RSBN1L: variants seen among roughly 807,000 people sequenced by gnomAD.
RSBN1L encodes round spermatid basic protein 1 like.
In RSBN1L, 30 loss-of-function variants were observed where a neutral mutation model predicts 67.7. The observed-to-expected ratio is 0.44, with a 90% CI of 0.33 to 0.60. RSBN1L has a LOEUF of 0.60. Among genes scored for constraint, RSBN1L ranks in the 20% least tolerant of loss-of-function variants. RSBN1L has a pLI of 0.02. For synonymous variants in RSBN1L, 433 were observed against 387.0 expected (o/e 1.12, Z -1.39); for missense variants, 992 against 1,031.7 (o/e 0.96, Z 0.53).
chr7:77,778,697 C>T lies in RSBN1L; in HGVS notation c.2070C>T (p.Leu690=), dbSNP rs889303856. ...AVCSLAWHIR[L]KLYHSEEDTS... is the part of the protein sequence containing the mutation. ...GCAGTTTAGCATGGCATATTCGGCT[C>T]AAATTATATCACTCAGAGGAGGACA... is the stretch of plus-strand genomic sequence containing the variant. The change falls in exon 8 of 8, where the codon CTC becomes CTT. Residue 690 remains leucine (L), a synonymous_variant. Coordinates refer to ENST00000334955, the MANE Select transcript of RSBN1L (RefSeq NM_198467.3). The T allele has an allele frequency of 6.2e-7, 1 of 1,613,920 alleles. No individual in the cohort carries two copies. Among genetic ancestry groups the T allele is most frequent in the African/African-American group, 1.3e-5 (1 of 74,918 alleles).
At chr7:77,716,992 G>T (rs1791057986) in intron 1 of RSBN1L, among the ~76,000 whole-genome samples, 1 of 146,592 alleles carries the variant, frequency 6.8e-6, no homozygotes, top group Admixed American at 6.9e-5. Context: ...ACAGGGTCTT[G>T]CTCTGTTGCC....
At position 77,710,173 on chromosome 7, in the gene RSBN1L, G is replaced by T. The variant is rs549153471; in HGVS notation, c.586+13118G>T. On this transcript the variant is annotated intron_variant, in intron 1 of 7. Transcript: ENST00000334955. The stretch of plus-strand genomic sequence containing the variant: ...CCTCCTTAGTGGGCTCCCTATTTCA[G>T]ATCCATGTGCTTTCACTTCATTCTT... Among the ~76,000 whole-genome samples the T allele has an allele frequency of 1.3e-4, 20 of 152,266 alleles. No homozygotes were observed. The South Asian group carries it at 4.1e-3, about 32-fold the overall frequency.
intron 1 of RSBN1L, among the ~76,000 whole-genome samples, chr7:77,734,787 C>T (rs1791312215): frequency 6.6e-6 from 1 of 152,114 alleles, no homozygotes. Flanking sequence ...CCGCGCCCGG[C>T]CTGGAGTAAC....
chr7:77,740,702 A>G (rs1468048627), intron 2 of RSBN1L, among the ~76,000 whole-genome samples: 1 of 152,170 alleles, frequency 6.6e-6, no homozygotes, highest in African/African-American at 2.4e-5. Context: ...TGAATTTGTG[A>G]TCTTAAAAGT....
At chr7:77,698,871 A>G (rs1252960066) in intron 1 of RSBN1L, among the ~76,000 whole-genome samples, 3 of 151,500 alleles carry the variant, frequency 2.0e-5, no homozygotes, top group Non-Finnish European at 4.4e-5. Context: ...ATTCCTTTCC[A>G]GTGTCTTGGT....
intron 3 of RSBN1L, among the ~76,000 whole-genome samples, chr7:77,762,801 C>T (rs1410325387): frequency 6.6e-6 from 1 of 152,086 alleles, no homozygotes; most frequent in African/African-American, 2.4e-5. Context: ...CTCCTACTCT[C>T]TATAATTTAA....
chr7:77,771,066 C>G (rs576357926), intron 5 of RSBN1L, among the ~76,000 whole-genome samples: 1 of 151,872 alleles, frequency 6.6e-6, no homozygotes, highest in East Asian at 1.9e-4. Context: ...CTCAGCCTCC[C>G]GAGTAGCTGG....
chr7:77,741,663 A>T (rs13244893), intron 2 of RSBN1L, among the ~76,000 whole-genome samples: 1 of 150,728 alleles, frequency 6.6e-6, no homozygotes, highest in East Asian at 2.0e-4. Context: ...CTGCACTCCA[A>T]CCTGAGTGAC....
intron 1 of RSBN1L, among the ~76,000 whole-genome samples, chr7:77,713,400 A>G (rs1178979942): frequency 6.7e-6 from 1 of 149,278 alleles, no homozygotes; most frequent in Non-Finnish European, 1.5e-5. Context: ...TCTGTCGCCC[A>G]GGCTGGAGTG....
intron 3 of RSBN1L, among the ~76,000 whole-genome samples, chr7:77,755,666 AAAAAC>A (rs761767938): frequency 5.0e-5 from 5 of 100,652 alleles, no homozygotes; most frequent in East Asian, 2.1e-4. Context: ...GACTTGTCTC[AAAAAC>A]AAAACAAAAA....
At position 77,727,424 on chromosome 7, in the gene RSBN1L, G is replaced by A. The variant is rs577108640; in HGVS notation, c.587-8986G>A. Reference sequence around the variant, plus strand: ...TTAATTCCAAGTTTCTGAATAAAATGCTCATACTACTTTTTTTTAGTTAGT... The same window carrying A: ...TTAATTCCAAGTTTCTGAATAAAATACTCATACTACTTTTTTTTAGTTAGT... On this transcript the variant is annotated intron_variant, in intron 1 of 7. Transcript: ENST00000334955. Among the ~76,000 whole-genome samples, 90 of 152,262 alleles carry A rather than the reference G, an allele frequency of 5.9e-4. 1 individual carries two copies. In the East Asian group the frequency reaches 6.9e-3, roughly 12 times the overall value.
Position 77,781,800 on chromosome 7 carries a change from T to A in RSBN1L, c.*2632T>A, listed in dbSNP as rs930787965. ...AAGTTTGAGACCAGTCTGGCCAACA[T>A]GGTGAAACCCCGTCTCTACTAAAAA... On this transcript the variant is annotated 3_prime_UTR_variant, in exon 8 of 8. Coordinates refer to ENST00000334955, the MANE Select transcript of RSBN1L (RefSeq NM_198467.3). The A allele has an allele frequency of 2.0e-5, 3 of 151,908 alleles. No individual in the cohort carries two copies. Among genetic ancestry groups the A allele is most frequent in the African/African-American group, 7.3e-5 (3 of 41,326 alleles). 9.4% of individuals were successfully genotyped at this position (151,908 alleles called of 1,614,324 possible).
At chr7:77,735,937 A>G (rs1263617983) in intron 1 of RSBN1L, among the ~76,000 whole-genome samples, 1 of 152,088 alleles carries the variant, frequency 6.6e-6, no homozygotes, top group Non-Finnish European at 1.5e-5. Flanking sequence ...GCCAGGCTCT[A>G]TGTAGTCATT....
intron 3 of RSBN1L, among the ~76,000 whole-genome samples, chr7:77,753,760 A>G (rs1459477387): frequency 2.0e-5 from 3 of 152,226 alleles, no homozygotes; most frequent in Non-Finnish European, 2.9e-5. Context: ...GGTTAAATCT[A>G]TAGTTAATAA....
intron 2 of RSBN1L, among the ~76,000 whole-genome samples, chr7:77,738,795 A>G (rs1050419643): frequency 6.6e-6 from 1 of 151,948 alleles, no homozygotes; most frequent in African/African-American, 2.4e-5. Flanking sequence ...TAAAAAATAC[A>G]AAAAATTACG....
chr7:77,764,686 G>T (rs1184270425), intron 3 of RSBN1L, among the ~76,000 whole-genome samples: 3 of 151,852 alleles, frequency 2.0e-5, no homozygotes, highest in African/African-American at 7.3e-5. Context: ...GAGTGCAGTG[G>T]CACAATCTCG....
intron 5 of RSBN1L, among the ~76,000 whole-genome samples, chr7:77,769,856 A>G (rs1362342906): frequency 6.6e-6 from 1 of 152,186 alleles, no homozygotes; most frequent in Non-Finnish European, 1.5e-5. Flanking sequence ...TTTTTTATAT[A>G]TTGTTGACTG....
At chr7:77,702,005 G>A (rs1255200261) in intron 1 of RSBN1L, among the ~76,000 whole-genome samples, 1 of 151,446 alleles carries the variant, frequency 6.6e-6, no homozygotes, top group African/African-American at 2.4e-5. Context: ...GTCTTGTACT[G>A]TCGCCCAGGC....
chr7:77,702,485 C>G (rs1189889937), intron 1 of RSBN1L, among the ~76,000 whole-genome samples: 3 of 151,956 alleles, frequency 2.0e-5, no homozygotes, highest in Non-Finnish European at 4.4e-5. Flanking sequence ...AGGTTTTGTT[C>G]AGATCTTTGT....
Sources: allele counts gnomAD v4.1 joint callset (sites outside exome capture counted in the v4.1 genomes callset), GRCh38; gene constraint gnomAD v4.1.1; transcripts MANE v1.5; gene names NCBI Gene and HGNC (gene_info 2026-07-23, HGNC 2026-07-21).